Variants in MROH9 observed in about 807,000 individuals in gnomAD.
MROH9 encodes maestro heat-like repeat-containing protein family member 9.
A neutral mutation model predicts 98.2 loss-of-function variants in MROH9; 92 were observed. The observed-to-expected ratio is 0.94, with a 90% CI of 0.79 to 1.11. MROH9 has a LOEUF of 1.11. Among genes scored for constraint, MROH9 ranks in the 50% most tolerant of loss-of-function variants. MROH9 has a pLI of 0.00. For missense variants in MROH9, 1,057 were observed against 1,014.8 expected (o/e 1.04, Z -0.57); for synonymous variants, 397 against 368.9 (o/e 1.08, Z -0.87).
At chr1:171,020,546 T>C (rs1188484743) in intron 17 of MROH9, among the ~76,000 whole-genome samples, 1 of 152,174 alleles carries the variant, frequency 6.6e-6, no homozygotes. Flanking sequence ...CGAAAAGGCC[T>C]TCGATAAAAT....
chr1:171,003,391 A>G (rs1651848691), intron 15 of MROH9, among the ~76,000 whole-genome samples: 2 of 152,142 alleles, frequency 1.3e-5, no homozygotes, highest in African/African-American at 2.4e-5. Context: ...GGGAAGGTCT[A>G]GGGATGAAGG....
At chr1:170,955,751 C>G (rs1397319047) in intron 3 of MROH9, among the ~76,000 whole-genome samples, 5 of 152,116 alleles carry the variant, frequency 3.3e-5, no homozygotes, top group African/African-American at 9.7e-5. Context: ...AAGATTTTCT[C>G]CCACTCTGTG....
chr1:170,991,868 C>G (rs1428346420), intron 11 of MROH9, among the ~76,000 whole-genome samples: 1 of 152,132 alleles, frequency 6.6e-6, no homozygotes, highest in Non-Finnish European at 1.5e-5. Context: ...TTGCAGAAAG[C>G]TGATCAGTTC....
At chr1:171,047,555 C>A (rs1013678844) in intron 20 of MROH9, among the ~76,000 whole-genome samples, 1 of 152,022 alleles carries the variant, frequency 6.6e-6, no homozygotes, top group Non-Finnish European at 1.5e-5. Flanking sequence ...ATTCTGAATC[C>A]CTTCTTGGTG....
chr1:170,941,046 G>A (rs768609215), intron 1 of MROH9, among the ~76,000 whole-genome samples: 1 of 152,102 alleles, frequency 6.6e-6, no homozygotes, highest in Non-Finnish European at 1.5e-5. Context: ...GGGACACACC[G>A]GACCCACTGT....
chr1:170,971,015 A>C (rs1031113449), intron 7 of MROH9, among the ~76,000 whole-genome samples: 1 of 152,192 alleles, frequency 6.6e-6, no homozygotes, highest in Non-Finnish European at 1.5e-5. Flanking sequence ...TGTCTAAAAA[A>C]AGACATGCAA....
intron 3 of MROH9, among the ~76,000 whole-genome samples, chr1:170,950,225 T>C (rs1291594777): frequency 6.6e-6 from 1 of 152,126 alleles, no homozygotes; most frequent in Non-Finnish European, 1.5e-5. Context: ...CTGCTCTGGG[T>C]ATCAAGGAAG....
chr1:171,024,367 C>A, intron 17 of MROH9, 28 bp from the exon 18 acceptor site: 4 of 1,539,520 alleles, frequency 2.6e-6, no homozygotes, highest in Non-Finnish European at 3.5e-6. Context: ...CTAATATTAT[C>A]CTCAAATAAG....
chr1:170,970,542 C>T (rs371037501), intron 7 of MROH9, among the ~76,000 whole-genome samples: 22 of 151,892 alleles, frequency 1.4e-4, no homozygotes, highest in South Asian at 4.2e-4. Context: ...ACTCTTTGTA[C>T]GGGTGGAAAA....
At chr1:170,991,399 C>T (rs1651349137) in intron 11 of MROH9, among the ~76,000 whole-genome samples, 2 of 152,068 alleles carry the variant, frequency 1.3e-5, no homozygotes, top group African/African-American at 2.4e-5. Flanking sequence ...GTGGGTGCTA[C>T]AGAGCTGGGT....
chr1:171,023,211 C>G (rs1652574035), intron 17 of MROH9, among the ~76,000 whole-genome samples: 1 of 152,116 alleles, frequency 6.6e-6, no homozygotes, highest in African/African-American at 2.4e-5. Flanking sequence ...CAGAGTGAGA[C>G]CCTGTCTCTA....
chr1:170,948,518 T>A (rs1445930500), intron 3 of MROH9, among the ~76,000 whole-genome samples: 1 of 151,952 alleles, frequency 6.6e-6, no homozygotes, highest in African/African-American at 2.4e-5. Flanking sequence ...TTACACTCAC[T>A]CAATCACTCA....
chr1:170,992,416 T>G, intron 12 of MROH9, 87 bp downstream of exon 12: 1 of 1,371,344 alleles, frequency 7.3e-7, no homozygotes, highest in Non-Finnish European at 1.0e-6. Flanking sequence ...CAATCATACT[T>G]TCTTAACACA....
intron 20 of MROH9, among the ~76,000 whole-genome samples, chr1:171,031,743 T>C (rs892088744): frequency 2.0e-5 from 3 of 152,164 alleles, no homozygotes; most frequent in African/African-American, 4.8e-5. Flanking sequence ...GATAATTGGA[T>C]GATTATGTGT....
chr1:171,001,955 A>G (rs1221346734), intron 15 of MROH9, among the ~76,000 whole-genome samples: 1 of 152,024 alleles, frequency 6.6e-6, no homozygotes, highest in Non-Finnish European at 1.5e-5. Context: ...GGATTGTGAT[A>G]TTTTCCTGTT....
At chr1:170,974,288 A>G (rs1650597388) in intron 8 of MROH9, among the ~76,000 whole-genome samples, 1 of 152,164 alleles carries the variant, frequency 6.6e-6, no homozygotes, top group Non-Finnish European at 1.5e-5. Flanking sequence ...AAATGTAATA[A>G]AAGCTATAAA....
At chr1:171,032,812 G>A (rs1184221018) in intron 20 of MROH9, among the ~76,000 whole-genome samples, 1 of 152,206 alleles carries the variant, frequency 6.6e-6, no homozygotes, top group African/African-American at 2.4e-5. Flanking sequence ...CAGAGGGGGT[G>A]TGCCACACCA....
chr1:171,031,251 G>A (rs1187850737), intron 20 of MROH9, among the ~76,000 whole-genome samples: 1 of 152,138 alleles, frequency 6.6e-6, no homozygotes, highest in Non-Finnish European at 1.5e-5. Context: ...GCCAGTCTGT[G>A]TCTTTTAACT....
chr1:170,942,020 A>T (rs1414286361), intron 1 of MROH9, among the ~76,000 whole-genome samples: 4 of 152,130 alleles, frequency 2.6e-5, no homozygotes, highest in African/African-American at 9.7e-5. Context: ...TGCACCATTA[A>T]ATGCAGAATC....
Sources: allele counts gnomAD v4.1 joint callset (sites outside exome capture counted in the v4.1 genomes callset), GRCh38; gene constraint gnomAD v4.1.1; transcripts MANE v1.5; gene names NCBI Gene and HGNC (gene_info 2026-07-23, HGNC 2026-07-21).